The following DHX58 variants were observed in gnomAD, a reference collection of about 807,000 sequenced individuals.
DHX58 encodes ATP-dependent RNA helicase DHX58.
DHX58 carries 51 observed loss-of-function variants against 65.0 expected under a neutral mutation model. The ratio of observed to expected loss-of-function variants is 0.78; its 90% CI spans 0.63 to 0.99. The LOEUF (loss-of-function observed/expected upper bound fraction) is 0.99, where lower values mean the gene tolerates loss of function less well. DHX58 is among the 50% of genes least tolerant of loss of function. DHX58 has a pLI of 0.00. For missense variants in DHX58, 773 were observed against 891.8 expected, an observed-to-expected ratio of 0.87 and a Z score of 1.70; for synonymous variants, 350 against 365.0, an observed-to-expected ratio of 0.96 and a Z score of 0.47.
intron 12 of DHX58, 165 bp from the exon 13 acceptor site, chr17:42,102,477 TGTG>T: frequency 3.2e-6 from 2 of 621,670 alleles, no homozygotes; most frequent in African/African-American, 1.8e-5. Flanking sequence ...GTTCTACCTG[TGTG>T]GCCTCCATCG....
chr17:42,106,680 G>A (rs1222640508), intron 8 of DHX58, among the ~76,000 whole-genome samples: 38 of 120,464 alleles, frequency 3.2e-4, no homozygotes, highest in Non-Finnish European at 5.9e-4. Context: ...CACACTTGTA[G>A]TCCCAGCTAC....
In DHX58 at chr17:42,107,766, C is replaced by T. The variant is rs782743543; in HGVS notation, c.835G>A (p.Val279Met). 8 of 1,590,842 alleles carry T rather than the reference C, an allele frequency of 5.0e-6. No homozygotes were observed. Among genetic ancestry groups the T allele is most frequent in the Non-Finnish European group, 6.8e-6 (8 of 1,168,172 alleles). Residue 279 changes from valine (V) to methionine (M), a missense_variant, in exon 8 of 14, where the codon GTG (valine) becomes ATG (methionine). Transcript: ENST00000251642. ...AALAGLQEQR[V>M]YALHLRRYND... Reference sequence around the variant, plus strand: ...TAGCGCCTCAGGTGAAGCGCATACACCCGTTGCTCCTGAAGCCCAGCCAAA... The same window carrying T: ...TAGCGCCTCAGGTGAAGCGCATACATCCGTTGCTCCTGAAGCCCAGCCAAA...
chr17:42,110,194 A>C (rs1461206404), intron 5 of DHX58, among the ~76,000 whole-genome samples: 22 of 152,044 alleles, frequency 1.4e-4, no homozygotes, highest in African/African-American at 5.3e-4. Context: ...CTCAAAAAAA[A>C]AAAAAAAAAA....
intron 6 of DHX58, among the ~76,000 whole-genome samples, chr17:42,108,928 G>C (rs1438425494): frequency 1.3e-5 from 2 of 152,246 alleles, no homozygotes; most frequent in Admixed American, 1.3e-4. Flanking sequence ...CTGACACCTA[G>C]TCCTTGTCCA....
At position 42,101,766 on chromosome 17, in the gene DHX58, C is replaced by T; in HGVS notation, c.2032G>A (p.Asp678Asn). The T allele has an allele frequency of 6.2e-7, 1 of 1,614,044 alleles. No homozygotes were observed. The highest frequency in any genetic ancestry group is 1.1e-5 in the South Asian group (1 of 91,076). Residue 678 changes from aspartate to asparagine, a missense_variant, in exon 14 of 14, where the codon GAC becomes AAC. Transcript: ENST00000251642. ...CAENLSDLSL[D>N] is the part of the protein sequence containing the mutation. ...GCACTGCAGCAATGAGGTGGTCAGT[C>T]CAGGGAGAGGTCCGACAAGTTCTCG...
rs1454309497 is a variant in DHX58 at position 42,102,349 on chromosome 17, C to T, written c.1755-37G>A. On this transcript the variant is annotated intron_variant, in intron 12 of 13. Transcript: ENST00000251642. ...GGGGGGTGGCCACAGCCCTCATTGA[C>T]CCTCCTCAGCCCCGGATCTCATGCC... 4 of 1,570,144 alleles carry T rather than the reference C, an allele frequency of 2.5e-6. No homozygotes were observed. The African/African-American group carries it at 4.1e-5, about 16-fold the overall frequency.
Position 42,110,731 on chromosome 17 carries a change from C to A in DHX58, c.553G>T (p.Val185Phe). Residue 185 changes from valine (V) to phenylalanine (F), a missense_variant, in exon 5 of 14, where the codon GTC (valine) becomes TTC (phenylalanine). Coordinates refer to ENST00000251642, the MANE Select transcript of DHX58 (RefSeq NM_024119.3). ...ASKLDGAINH[V>F]LQLCANLDTW... is the part of the protein sequence containing the mutation. ...ACAGGGGCCAGGCTGACCTGCAGGA[C>A]GTGGTTGATGGCCCCATCGAGTTTG... is the stretch of plus-strand genomic sequence containing the variant. 1 of 1,603,732 alleles carries A rather than the reference C, an allele frequency of 6.2e-7. No homozygotes were observed. Among genetic ancestry groups the A allele is most frequent in the Non-Finnish European group, 8.5e-7 (1 of 1,174,626 alleles).
At position 42,110,923 on chromosome 17, in the gene DHX58, CA is replaced by C. The variant is rs782621588; in HGVS notation, c.371-11del. On this transcript the variant is annotated splice_polypyrimidine_tract_variant and intron_variant, in intron 4 of 13. Coordinates refer to ENST00000251642, the MANE Select transcript of DHX58 (RefSeq NM_024119.3). Reference sequence around the variant, plus strand: ...ACGATCAGGGAGAAGACTGAGGGCACAGGGGGGAAGGCTGTGACCTATGTTT... The same window carrying C: ...ACGATCAGGGAGAAGACTGAGGGCACGGGGGGAAGGCTGTGACCTATGTTT... 2.5e-5 allele frequency: 40 copies of C among 1,594,038 alleles called. No individual in the cohort carries two copies. The highest frequency in any genetic ancestry group is 1.9e-4 in the Admixed American group (11 of 57,840).
chr17:42,106,031 G>A (rs1361211665), intron 8 of DHX58, 42 bp from the exon 9 acceptor site: 2 of 1,582,826 alleles, frequency 1.3e-6, no homozygotes, highest in African/African-American at 2.7e-5. Flanking sequence ...AGTGGCACAT[G>A]TCTGTAGTCC....
At chr17:42,106,803 A>T (rs2054068027) in intron 8 of DHX58, among the ~76,000 whole-genome samples, 2 of 151,730 alleles carry the variant, frequency 1.3e-5, no homozygotes, top group Non-Finnish European at 2.9e-5. Context: ...CCCTCTCAAA[A>T]AAACAAAAAC....
At chr17:42,103,545 G>A in intron 12 of DHX58, 63 bp downstream of exon 12, 1 of 1,586,442 alleles carries the variant, frequency 6.3e-7, no homozygotes. Flanking sequence ...AAGCTTCAAA[G>A]CACTGTCTGG....
At chr17:42,102,370 A>C in intron 12 of DHX58, 58 bp from the exon 13 acceptor site, 275 of 1,471,964 alleles carry the variant, frequency 1.9e-4, no homozygotes, top group Middle Eastern at 3.4e-4. Flanking sequence ...CCCGGATCTC[A>C]TGCCCTCCTG....
Position 42,112,150 on chromosome 17 carries a change from T to G in DHX58, c.-39A>C. The G allele has an allele frequency of 2.6e-6, 1 of 382,634 alleles. No individual in the cohort carries two copies. Among genetic ancestry groups the G allele is most frequent in the East Asian group, 4.3e-5 (1 of 23,214 alleles). 23.7% of individuals were successfully genotyped at this position (382,634 alleles called of 1,614,324 possible). A position where few individuals can be genotyped will look rare whatever the true frequency, so the allele number is the denominator to read the frequency against. Reference sequence around the variant, plus strand: ...GTAGGTCTGCCCAGGGCAGTCCCACTTAACTCAGCCTGGTGCCACTCTGCT... The same window carrying G: ...GTAGGTCTGCCCAGGGCAGTCCCACGTAACTCAGCCTGGTGCCACTCTGCT... On this transcript the variant is annotated 5_prime_UTR_variant, in exon 2 of 14. Transcript: ENST00000251642.
chr17:42,105,635 G>C, intron 9 of DHX58, 101 bp downstream of exon 9: 1 of 1,473,884 alleles, frequency 6.8e-7, no homozygotes, highest in Non-Finnish European at 8.9e-7. Context: ...CTTTCCCCAG[G>C]GTCTCCCTGC....
chr17:42,102,165 G>A (rs1555661660), intron 13 of DHX58, 51 bp downstream of exon 13: 1 of 1,600,318 alleles, frequency 6.2e-7, no homozygotes, highest in Non-Finnish European at 8.6e-7. Context: ...GAGGGCCTCT[G>A]AAGACTGGGG....
In DHX58 at chr17:42,101,675, G is replaced by A. The variant is rs2053979335; in HGVS notation, c.*86C>T. On this transcript the variant is annotated 3_prime_UTR_variant, in exon 14 of 14. Coordinates refer to ENST00000251642, the MANE Select transcript of DHX58 (RefSeq NM_024119.3). Reference sequence around the variant, plus strand: ...GCTGGTGGGCCTGATGCCCACAGCTGATGATTCAGGAAGGAGGGGCCTGGA... The same window carrying A: ...GCTGGTGGGCCTGATGCCCACAGCTAATGATTCAGGAAGGAGGGGCCTGGA... The A allele has an allele frequency of 6.5e-7, 1 of 1,529,248 alleles. No homozygotes were observed. The allele number at this position is 1,529,248 out of a possible 1,614,324, so 94.7% of individuals were successfully genotyped here. A position where few individuals can be genotyped will look rare whatever the true frequency, so the allele number is the denominator to read the frequency against.
intron 8 of DHX58, among the ~76,000 whole-genome samples, chr17:42,106,278 A>AGGAAAGAAGGGAAGGAG (rs2054058228): frequency 7.3e-6 from 1 of 137,620 alleles, no homozygotes; most frequent in Non-Finnish European, 1.6e-5. Context: ...GAAAGAGAGA[A>AGGAAAGAAGGGAAGGAG]GGAAAGAAGG....
chr17:42,110,186 CAAAAAAAA>C (rs11318535), intron 5 of DHX58, among the ~76,000 whole-genome samples: 2 of 110,370 alleles, frequency 1.8e-5, no homozygotes, highest in Non-Finnish European at 3.9e-5. Flanking sequence ...GACTCCATCT[CAAAAAAAA>C]AAAAAAAAAA....
At chr17:42,102,489 C>T (rs2053994686) in intron 12 of DHX58, 177 bp from the exon 13 acceptor site, 1 of 591,648 alleles carries the variant, frequency 1.7e-6, no homozygotes, top group African/African-American at 1.9e-5. Flanking sequence ...TGGCCTCCAT[C>T]GCACGTTCCC....
Sources: allele counts gnomAD v4.1 joint callset (sites outside exome capture counted in the v4.1 genomes callset), GRCh38; gene constraint gnomAD v4.1.1; transcripts MANE v1.5; gene names NCBI Gene and HGNC (gene_info 2026-07-23, HGNC 2026-07-21).